Variants in NKAIN3 observed in about 807,000 individuals in gnomAD.
NKAIN3 encodes the protein sodium/potassium transporting ATPase interacting 3.
NKAIN3 carries 25 observed loss-of-function variants against 30.2 expected under a neutral mutation model. That is an observed-to-expected ratio of 0.83 (90% CI 0.60 to 1.16). The LOEUF is 1.16. Among genes scored for constraint, NKAIN3 ranks in the 50% most tolerant of loss-of-function variants. The probability of loss-of-function intolerance (pLI) is 0.00; values close to 1 mark genes in which losing one functional copy is unlikely to be tolerated. For synonymous variants in NKAIN3, 91 were observed against 89.6 expected (o/e 1.02, Z -0.09); for missense variants, 225 against 254.1 (o/e 0.89, Z 0.78).
intron 4 of NKAIN3, among the ~76,000 whole-genome samples, chr8:62,808,916 G>T (rs1233780531): frequency 2.0e-5 from 3 of 152,120 alleles, no homozygotes; most frequent in Non-Finnish European, 4.4e-5. Context: ...TAATAGGCCT[G>T]GGAGCGCTAC....
At chr8:62,737,924 A>C (rs1815729757) in intron 3 of NKAIN3, among the ~76,000 whole-genome samples, 1 of 152,180 alleles carries the variant, frequency 6.6e-6, no homozygotes, top group Non-Finnish European at 1.5e-5. Flanking sequence ...ATTGATGGGC[A>C]TTTGGGTTGG....
intron 4 of NKAIN3, among the ~76,000 whole-genome samples, chr8:62,878,766 G>T (rs1820880604): frequency 6.7e-6 from 1 of 149,788 alleles, no homozygotes; most frequent in Admixed American, 6.8e-5. Flanking sequence ...GCGGTGTTTG[G>T]TTTTTTGTCC....
chr8:62,702,545 A>G (rs545968647), intron 3 of NKAIN3, among the ~76,000 whole-genome samples: 17 of 152,326 alleles, frequency 1.1e-4, no homozygotes, highest in African/African-American at 4.1e-4. Flanking sequence ...TAATTATTGT[A>G]CTTGTATTAC....
Position 62,558,011 on chromosome 8 carries a change from T to C in NKAIN3, c.55-21528T>C, listed in dbSNP as rs535263554. ...TCAATGTCTAGAAGTGTTTTTCCAATGCTATCTTCCAGAATTTTTATAGTT... is the reference window on the plus strand; with the variant it reads ...TCAATGTCTAGAAGTGTTTTTCCAACGCTATCTTCCAGAATTTTTATAGTT... On this transcript the variant is annotated intron_variant, in intron 1 of 6. Coordinates refer to ENST00000623646, the MANE Select transcript of NKAIN3 (RefSeq NM_001304533.3). 2.0e-5 allele frequency among the ~76,000 whole-genome samples: 3 copies of C among 152,220 alleles called. No homozygotes were observed. The East Asian group carries it at 5.8e-4, about 29-fold the overall frequency.
intron 3 of NKAIN3, among the ~76,000 whole-genome samples, chr8:62,694,141 T>C (rs1035853046): frequency 1.1e-4 from 17 of 152,180 alleles, no homozygotes; most frequent in African/African-American, 3.9e-4. Flanking sequence ...TTGTTCACTA[T>C]AGTCTTTCTA....
At chr8:62,260,825 C>T (rs1209423327) in intron 1 of NKAIN3, among the ~76,000 whole-genome samples, 1 of 152,084 alleles carries the variant, frequency 6.6e-6, no homozygotes, top group Non-Finnish European at 1.5e-5. Context: ...AAAGTCAACA[C>T]TTTCTAATGA....
chr8:62,369,193 G>A (rs1013853232), intron 1 of NKAIN3, among the ~76,000 whole-genome samples: 10 of 151,694 alleles, frequency 6.6e-5, no homozygotes, highest in African/African-American at 1.7e-4. Flanking sequence ...CCTTGTATCC[G>A]TCTTAAGACT....
chr8:62,625,067 T>C (rs1358156801), intron 3 of NKAIN3, among the ~76,000 whole-genome samples: 5 of 152,092 alleles, frequency 3.3e-5, no homozygotes, highest in Non-Finnish European at 7.4e-5. Flanking sequence ...GGTCTGATAA[T>C]TTCAACATTC....
intron 1 of NKAIN3, among the ~76,000 whole-genome samples, chr8:62,415,063 A>C (rs1804387282): frequency 6.9e-6 from 1 of 144,812 alleles, no homozygotes; most frequent in African/African-American, 2.5e-5. Flanking sequence ...ACTATATTAT[A>C]TTACATAATT....
intron 1 of NKAIN3, among the ~76,000 whole-genome samples, chr8:62,250,267 T>G (rs1423016018): frequency 6.6e-6 from 1 of 152,168 alleles, no homozygotes; most frequent in Non-Finnish European, 1.5e-5. Context: ...GCCTCAGTGT[T>G]CCAGTCTCCC....
intron 3 of NKAIN3, among the ~76,000 whole-genome samples, chr8:62,745,676 T>C (rs539745587): frequency 6.6e-6 from 1 of 152,330 alleles, no homozygotes; most frequent in African/African-American, 2.4e-5. Context: ...AACCAGGCTA[T>C]TTTTTCCATT....
At chr8:62,284,297 T>A (rs1457450577) in intron 1 of NKAIN3, among the ~76,000 whole-genome samples, 5 of 152,052 alleles carry the variant, frequency 3.3e-5, no homozygotes, top group Middle Eastern at 6.4e-3. Context: ...TCTGTCTTCT[T>A]CCACTTTTTT....
At chr8:62,572,647 C>T (rs1002710484) in intron 1 of NKAIN3, among the ~76,000 whole-genome samples, 1 of 152,138 alleles carries the variant, frequency 6.6e-6, no homozygotes, top group Non-Finnish European at 1.5e-5. Context: ...GCCTCACAAT[C>T]ATGGCAGGAG....
rs150236544 is a variant in NKAIN3 at position 62,273,007 on chromosome 8, C to T, written c.54+23880C>T. Among the ~76,000 whole-genome samples the T allele has an allele frequency of 2.8e-3, 430 of 152,300 alleles. 1 individual carries two copies. The highest frequency in any genetic ancestry group is 9.8e-3 in the African/African-American group (409 of 41,572). On this transcript the variant is annotated intron_variant, in intron 1 of 6. Coordinates refer to ENST00000623646, the MANE Select transcript of NKAIN3 (RefSeq NM_001304533.3). ...ATACCAAAGGTCATTCAGTCTCCAT[C>T]ACAACTACTCAATTCCACAGCTGTA...
chr8:62,558,290 A>G (rs902864643), intron 1 of NKAIN3, among the ~76,000 whole-genome samples: 2 of 152,134 alleles, frequency 1.3e-5, no homozygotes, highest in Non-Finnish European at 2.9e-5. Flanking sequence ...TACCACTACC[A>G]TGCTGTTTCA....
intron 1 of NKAIN3, among the ~76,000 whole-genome samples, chr8:62,391,514 G>A (rs143486474): frequency 1.3e-5 from 2 of 151,800 alleles, no homozygotes; most frequent in South Asian, 2.1e-4. Flanking sequence ...GAAAAAGGCA[G>A]CATTTAAATA....
In NKAIN3 at chr8:62,860,930, C is replaced by T. The variant is rs1820219651; in HGVS notation, c.472-57523C>T. Among the ~76,000 whole-genome samples the T allele has an allele frequency of 2.0e-5, 3 of 152,210 alleles. No individual in the cohort carries two copies. In the South Asian group the frequency reaches 6.2e-4, roughly 32 times the overall value. ...TTCTGGGACTGATCCACCTATCTGG[C>T]CTCATTCCAGGACAGGCAGAAGGCC... On this transcript the variant is annotated intron_variant, in intron 4 of 6. Transcript: ENST00000623646.
At chr8:62,261,458 G>A (rs1812440253) in intron 1 of NKAIN3, among the ~76,000 whole-genome samples, 1 of 152,164 alleles carries the variant, frequency 6.6e-6, no homozygotes, top group African/African-American at 2.4e-5. Flanking sequence ...ATGAGGGAAA[G>A]TTATTTCTGC....
chr8:62,250,975 A>C (rs1676676947), intron 1 of NKAIN3, among the ~76,000 whole-genome samples: 2 of 152,174 alleles, frequency 1.3e-5, no homozygotes, highest in African/African-American at 4.8e-5. Context: ...ACTAGATTGT[A>C]AGCAACTTGA....
Sources: allele counts gnomAD v4.1 joint callset (sites outside exome capture counted in the v4.1 genomes callset), GRCh38; gene constraint gnomAD v4.1.1; transcripts MANE v1.5; gene names NCBI Gene and HGNC (gene_info 2026-07-23, HGNC 2026-07-21).